The following ETFA variants were observed in gnomAD, a reference collection of about 807,000 sequenced individuals.
The protein encoded by ETFA is electron transfer flavoprotein subunit alpha, mitochondrial.
ETFA carries 22 observed loss-of-function variants against 46.2 expected under a neutral mutation model. The observed-to-expected ratio is 0.48, with a 90% CI of 0.34 to 0.68. The LOEUF is 0.68. Ranked by LOEUF, ETFA falls within the 30% of genes least tolerant of loss-of-function variation. The pLI, the probability that ETFA is intolerant of heterozygous loss-of-function variation, is 0.01. For synonymous variants in ETFA, 131 were observed against 139.9 expected, an observed-to-expected ratio of 0.94 and a Z score of 0.45; for missense variants, 345 against 401.1, an observed-to-expected ratio of 0.86 and a Z score of 1.19.
chr15:76,280,321 A>C (rs562056491), intron 8 of ETFA, among the ~76,000 whole-genome samples: 5 of 152,290 alleles, frequency 3.3e-5, no homozygotes, highest in African/African-American at 1.2e-4. Flanking sequence ...GATATTCCTT[A>C]TCTCAGCTAA....
Position 76,309,471 on chromosome 15 carries a change from CA to C in ETFA, c.39+1878del, listed in dbSNP as rs201994323. ...GTCTCAAAACAAACAAACAAACAAA[CA>C]AAAAAAACAGCTATTCTACTTAGCT... On this transcript the variant is annotated intron_variant, in intron 1 of 11. Coordinates refer to ENST00000557943, the MANE Select transcript of ETFA (RefSeq NM_000126.4). Among the ~76,000 whole-genome samples, 290 of 151,494 alleles carry C rather than the reference CA, an allele frequency of 1.9e-3. 1 individual carries two copies. Among genetic ancestry groups the C allele is most frequent in the Middle Eastern group, 6.8e-3 (2 of 294 alleles).
At chr15:76,307,931 T>C (rs1180372282) in intron 1 of ETFA, among the ~76,000 whole-genome samples, 1 of 152,204 alleles carries the variant, frequency 6.6e-6, no homozygotes, top group Non-Finnish European at 1.5e-5. Context: ...AATGGTTAGC[T>C]ACAGAACATT....
intron 9 of ETFA, among the ~76,000 whole-genome samples, chr15:76,255,821 T>A (rs1596201829): frequency 6.6e-6 from 1 of 152,320 alleles, no homozygotes; most frequent in East Asian, 1.9e-4. Flanking sequence ...GTGAAAATGA[T>A]GGTGGGTAAC....
intron 9 of ETFA, chr15:76,245,320 T>C (rs2039233670): frequency 6.6e-6 from 1 of 152,198 alleles, no homozygotes; most frequent in South Asian, 2.1e-4. Context: ...AATTTAATGC[T>C]TCTATACCAA....
chr15:76,258,922 T>A, intron 9 of ETFA: 2 of 1,139,456 alleles, frequency 1.8e-6, no homozygotes, highest in Admixed American at 3.7e-5. Flanking sequence ...CAGACAGGGC[T>A]TTGTCAGCCA....
chr15:76,293,902 A>C (rs767683175), intron 2 of ETFA, among the ~76,000 whole-genome samples: 4 of 152,254 alleles, frequency 2.6e-5, no homozygotes, highest in Non-Finnish European at 5.9e-5. Context: ...CCAATTAAGA[A>C]ACTCAGTTAA....
At chr15:76,261,096 T>TC in intron 9 of ETFA, 1 of 1,524,324 alleles carries the variant, frequency 6.6e-7, no homozygotes, top group South Asian at 1.1e-5. Context: ...GCTGTGAACT[T>TC]CACAGGAAAA....
At chr15:76,282,465 G>C (rs541862641) in intron 8 of ETFA, among the ~76,000 whole-genome samples, 61 of 152,178 alleles carry the variant, frequency 4.0e-4, no homozygotes, top group Non-Finnish European at 7.9e-4. Flanking sequence ...CAAGTTTGTA[G>C]TAACTTATTA....
chr15:76,284,194 G>C (rs1004015543), intron 7 of ETFA, among the ~76,000 whole-genome samples: 2 of 152,182 alleles, frequency 1.3e-5, no homozygotes, highest in Admixed American at 6.5e-5. Context: ...GTTATTATTT[G>C]AATGGGAGTC....
At chr15:76,290,755 G>A (rs555426034) in intron 4 of ETFA, among the ~76,000 whole-genome samples, 2 of 152,230 alleles carry the variant, frequency 1.3e-5, no homozygotes, top group African/African-American at 4.8e-5. Context: ...ATCCATAGAA[G>A]GAGGCCTAAA....
intron 1 of ETFA, among the ~76,000 whole-genome samples, chr15:76,306,702 A>C (rs1016907532): frequency 6.6e-6 from 1 of 152,228 alleles, no homozygotes; most frequent in Non-Finnish European, 1.5e-5. Flanking sequence ...TAAAATGTAT[A>C]TTTCTGTACT....
rs145188000 is a variant in ETFA at position 76,276,751 on chromosome 15, T to C, written c.734-2257A>G. The stretch of plus-strand genomic sequence containing the variant: ...CATATCCAGTCTACTAAGAAGTCCT[T>C]AAAAGGTATACTTCATTTCTGCTAC... On this transcript the variant is annotated intron_variant, in intron 8 of 11. Coordinates refer to ENST00000557943, the MANE Select transcript of ETFA (RefSeq NM_000126.4). 6.0e-3 allele frequency among the ~76,000 whole-genome samples: 915 copies of C among 152,316 alleles called. 2 individuals are homozygous for C. Among genetic ancestry groups the C allele is most frequent in the Middle Eastern group, 0.014 (4 of 294 alleles).
rs8039063 is a variant in ETFA at position 76,288,186 on chromosome 15, C to T, written c.352-241G>A. Among the ~76,000 whole-genome samples the T allele has an allele frequency of 0.29, 43,386 of 151,996 alleles. 6,602 individuals carry two copies. Among genetic ancestry groups the T allele is most frequent in the East Asian group, 0.58 (2,987 of 5,186 alleles). On this transcript the variant is annotated intron_variant, in intron 4 of 11. Coordinates refer to ENST00000557943, the MANE Select transcript of ETFA (RefSeq NM_000126.4). ...TCATGAGTTTTACAGTATTAAGCCA[C>T]CTTAATGCAATATATTGAACTATGA...
chr15:76,304,736 T>C (rs1480145170), intron 1 of ETFA, among the ~76,000 whole-genome samples: 2 of 150,356 alleles, frequency 1.3e-5, no homozygotes, highest in Non-Finnish European at 3.0e-5. Flanking sequence ...AAAAATGAAG[T>C]GATGTTTTTA....
intron 9 of ETFA, among the ~76,000 whole-genome samples, chr15:76,261,928 C>T (rs754551065): frequency 6.6e-5 from 10 of 152,150 alleles, no homozygotes; most frequent in African/African-American, 2.4e-4. Flanking sequence ...ATAGGTGGAT[C>T]GCTTGAGCCT....
At chr15:76,250,540 GCTA>G (rs1260954389) in intron 9 of ETFA, among the ~76,000 whole-genome samples, 1 of 151,916 alleles carries the variant, frequency 6.6e-6, no homozygotes, top group Non-Finnish European at 1.5e-5. Context: ...TAGGATAATG[GCTA>G]CTTTTTTCCT....
chr15:76,243,636 TA>T (rs2039214648), intron 9 of ETFA, among the ~76,000 whole-genome samples: 1 of 151,950 alleles, frequency 6.6e-6, no homozygotes, highest in South Asian at 2.1e-4. Flanking sequence ...CCGCCTCTGC[TA>T]AAAATACAAC....
intron 1 of ETFA, among the ~76,000 whole-genome samples, chr15:76,303,950 G>A (rs1443790351): frequency 1.3e-5 from 2 of 152,234 alleles, no homozygotes; most frequent in Non-Finnish European, 2.9e-5. Context: ...ATACCCAAAG[G>A]AATATGAACC....
chr15:76,263,747 C>A (rs948065933), intron 9 of ETFA, among the ~76,000 whole-genome samples: 1 of 152,028 alleles, frequency 6.6e-6, no homozygotes, highest in African/African-American at 2.4e-5. Flanking sequence ...CCATTTCAAA[C>A]GATGATGAGG....
Sources: allele counts gnomAD v4.1 joint callset (sites outside exome capture counted in the v4.1 genomes callset), GRCh38; gene constraint gnomAD v4.1.1; transcripts MANE v1.5; gene names NCBI Gene and HGNC (gene_info 2026-07-23, HGNC 2026-07-21).